The following TLN2 variants were observed in gnomAD, a reference collection of about 807,000 sequenced individuals.
TLN2 encodes the protein talin-2.
TLN2 carries 118 observed loss-of-function variants against 294.7 expected under a neutral mutation model. The observed-to-expected ratio is 0.40, with a 90% CI of 0.34 to 0.47. The LOEUF is 0.47. TLN2 is among the 20% of genes least tolerant of loss of function. The pLI is 0.84. For synonymous variants in TLN2, 1,431 were observed against 1,304.5 expected, an observed-to-expected ratio of 1.10 and a Z score of -2.09; for missense variants, 3,083 against 3,282.2, an observed-to-expected ratio of 0.94 and a Z score of 1.48.
chr15:62,754,785 T>G (rs2062135024), intron 36 of TLN2: 1 of 152,282 alleles, frequency 6.6e-6, no homozygotes. Context: ...ACAGGTGGAT[T>G]CAGGAAAGCA....
intron 1 of TLN2, among the ~76,000 whole-genome samples, chr15:62,464,942 C>T (rs1226839479): frequency 6.6e-6 from 1 of 152,070 alleles, no homozygotes; most frequent in Non-Finnish European, 1.5e-5. Context: ...AAACTTTGCC[C>T]CGGGATGTTA....
rs747326797 is a variant in TLN2 at position 62,753,805 on chromosome 15, C to A, written c.4365C>A (p.Asn1455Lys). 4 of 1,611,690 alleles carry A rather than the reference C, an allele frequency of 2.5e-6. No individual in the cohort carries two copies. In the East Asian group the frequency reaches 8.9e-5, roughly 36 times the overall value. Residue 1455 changes from asparagine to lysine, a missense_variant, in exon 36 of 59, where the codon AAC (asparagine) becomes AAA (lysine). Physicochemically the swap from Asn to Lys is moderately conservative, Grantham distance 94. Coordinates refer to ENST00000636159, the MANE Select transcript of TLN2 (RefSeq NM_015059.3). ...ACTTGGTTGGCATCTCTGATCCAAA[C>A]AGCCAGGCAGGCCACCAGGGCCTGG... Reference protein sequence around the residue: ...AAYLVGISDPNSQAGHQGLVD... With the variant: ...AAYLVGISDPKSQAGHQGLVD...
At chr15:62,470,355 G>A (rs982334230) in intron 1 of TLN2, among the ~76,000 whole-genome samples, 22 of 152,344 alleles carry the variant, frequency 1.4e-4, no homozygotes, top group African/African-American at 5.3e-4. Context: ...AGGAAAACGA[G>A]ACCCTGGCTT....
chr15:62,409,568 A>T (rs1595741785), intron 1 of TLN2, among the ~76,000 whole-genome samples: 1 of 152,356 alleles, frequency 6.6e-6, no homozygotes, highest in East Asian at 1.9e-4. Flanking sequence ...AAAAAGTTAC[A>T]TTCATTGTCA....
At chr15:62,717,255 T>C (rs571049958) in intron 23 of TLN2, among the ~76,000 whole-genome samples, 38 of 152,314 alleles carry the variant, frequency 2.5e-4, no homozygotes, top group East Asian at 2.1e-3. Context: ...GATTTTTTTT[T>C]CCACACATTT....
intron 3 of TLN2, among the ~76,000 whole-genome samples, chr15:62,634,367 T>A (rs1290340582): frequency 6.6e-6 from 1 of 152,236 alleles, no homozygotes; most frequent in Non-Finnish European, 1.5e-5. Flanking sequence ...GTTCTTCTGT[T>A]ATTTTTCCAG....
chr15:62,457,912 C>T (rs1184622603), intron 1 of TLN2, among the ~76,000 whole-genome samples: 2 of 152,054 alleles, frequency 1.3e-5, no homozygotes, highest in Non-Finnish European at 2.9e-5. Context: ...TGTTGCTTGT[C>T]GTGACTTATT....
chr15:62,726,732 G>A (rs2060461709), intron 27 of TLN2, among the ~76,000 whole-genome samples: 1 of 152,108 alleles, frequency 6.6e-6, no homozygotes, highest in Non-Finnish European at 1.5e-5. Context: ...GCTTCTAAAG[G>A]CATAATACTA....
At chr15:62,539,796 C>T (rs1051412667) in intron 1 of TLN2, among the ~76,000 whole-genome samples, 10 of 151,798 alleles carry the variant, frequency 6.6e-5, no homozygotes, top group Admixed American at 4.6e-4. Context: ...ATCATCTACC[C>T]TTTTGTTTGC....
intron 1 of TLN2, among the ~76,000 whole-genome samples, chr15:62,456,636 GAC>G (rs1378040525): frequency 1.3e-5 from 2 of 152,340 alleles, no homozygotes; most frequent in East Asian, 1.9e-4. Flanking sequence ...CTGTGTAGGA[GAC>G]ACAGAGCTGA....
At chr15:62,632,128 C>A (rs375081660) in intron 3 of TLN2, among the ~76,000 whole-genome samples, 1 of 152,222 alleles carries the variant, frequency 6.6e-6, no homozygotes, top group Non-Finnish European at 1.5e-5. Context: ...ACAGCCCCAG[C>A]GCCTGCTTAG....
intron 27 of TLN2, among the ~76,000 whole-genome samples, chr15:62,725,869 C>A (rs568975981): frequency 1.3e-5 from 2 of 152,246 alleles, no homozygotes; most frequent in African/African-American, 4.8e-5. Context: ...GCTTCTGGCT[C>A]TTTGAACGAA....
intron 1 of TLN2, among the ~76,000 whole-genome samples, chr15:62,469,318 GCA>G (rs2037334883): frequency 6.6e-6 from 1 of 152,226 alleles, no homozygotes; most frequent in African/African-American, 2.4e-5. Flanking sequence ...AGACCAGATA[GCA>G]CACACAGTGA....
chr15:62,822,485 T>A (rs1049045166), intron 54 of TLN2, among the ~76,000 whole-genome samples: 3 of 152,192 alleles, frequency 2.0e-5, no homozygotes, highest in Non-Finnish European at 4.4e-5. Flanking sequence ...ACTCATCTGA[T>A]CCTTGGAAAA....
intron 54 of TLN2, chr15:62,827,889 A>G (rs1378142056): frequency 6.6e-6 from 1 of 152,240 alleles, no homozygotes; most frequent in African/African-American, 2.4e-5. Flanking sequence ...GTAGGCTTAG[A>G]AGATGAATGA....
chr15:62,416,686 G>A (rs544185512), intron 1 of TLN2, among the ~76,000 whole-genome samples: 10 of 152,238 alleles, frequency 6.6e-5, no homozygotes, highest in Admixed American at 5.9e-4. Flanking sequence ...TTGCGAGAGA[G>A]GCTTATTTAG....
chr15:62,535,843 G>A (rs1009790986), intron 1 of TLN2, among the ~76,000 whole-genome samples: 4 of 152,120 alleles, frequency 2.6e-5, no homozygotes, highest in African/African-American at 7.2e-5. Context: ...GTGAGCCACC[G>A]TACCTGGCCA....
At chr15:62,594,323 G>A (rs1415558368) in intron 2 of TLN2, among the ~76,000 whole-genome samples, 1 of 152,144 alleles carries the variant, frequency 6.6e-6, no homozygotes, top group African/African-American at 2.4e-5. Flanking sequence ...TCCTTTCACT[G>A]CAGCCTCCTG....
intron 1 of TLN2, among the ~76,000 whole-genome samples, chr15:62,458,774 GA>G (rs1280726655): frequency 6.6e-6 from 1 of 151,756 alleles, no homozygotes; most frequent in African/African-American, 2.4e-5. Context: ...GTCTCAAAAA[GA>G]AAAAATAAAA....
Sources: gnomAD v4.1 joint callset for allele counts (sites outside exome capture counted in the v4.1 genomes callset) on GRCh38, gnomAD v4.1.1 for gene constraint, MANE v1.5 for transcripts, NCBI Gene and HGNC (gene_info 2026-07-23, HGNC 2026-07-21) for gene names.